The following NRG1 variants were observed in gnomAD, a reference collection of about 807,000 sequenced individuals.
NRG1 encodes neuregulin 1, also known as pro-neuregulin-1, membrane-bound isoform.
In NRG1, 18 loss-of-function variants were observed where a neutral mutation model predicts 63.8. The observed-to-expected ratio is 0.28, with a 90% CI of 0.19 to 0.42. The LOEUF is 0.42. NRG1 is among the 10% of genes least tolerant of loss of function. The pLI is 1.00. For missense variants in NRG1, 762 were observed against 814.7 expected, an observed-to-expected ratio of 0.94 and a Z score of 0.79; for synonymous variants, 302 against 301.3, an observed-to-expected ratio of 1.00 and a Z score of -0.02.
rs10692906 is a variant in NRG1 at position 31,989,253 on chromosome 8, C to CAAAAAAAAAAAAAAA, written c.37+349828_37+349842dup. Reference sequence around the variant, plus strand: ...CCTGGGTGAGAGAGAGACTCTGTCTCAAAAAAAAAAAAAAAAAAAAGAACA... The same window carrying CAAAAAAAAAAAAAAA: ...CCTGGGTGAGAGAGAGACTCTGTCTCAAAAAAAAAAAAAAAAAAAAAAAAAAAAAAAAAAAGAACA... On this transcript the variant is annotated intron_variant, in intron 1 of 10. Coordinates refer to the NRG1 transcript ENST00000519301. Among the ~76,000 whole-genome samples, 80 of 47,510 alleles carry CAAAAAAAAAAAAAAA rather than the reference C, an allele frequency of 1.7e-3. 4 individuals are homozygous for CAAAAAAAAAAAAAAA. Among genetic ancestry groups the CAAAAAAAAAAAAAAA allele is most frequent in the East Asian group, 0.015 (9 of 604 alleles). The allele number at this position is 47,510 out of a possible 152,430, so 31.2% of individuals were successfully genotyped here.
chr8:31,728,588 T>C, intron 1 of NRG1, among the ~76,000 whole-genome samples: 1 of 152,062 alleles, frequency 6.6e-6, no homozygotes. Flanking sequence ...AAAGGGTGCA[T>C]CAATGTATGA....
chr8:32,637,155 C>A (rs1177519588), intron 5 of NRG1, among the ~76,000 whole-genome samples: 1 of 152,050 alleles, frequency 6.6e-6, no homozygotes, highest in Non-Finnish European at 1.5e-5. Context: ...AGTAAACAAA[C>A]TTATGCCCAC....
intron 5 of NRG1, among the ~76,000 whole-genome samples, chr8:32,710,140 G>A (rs187279415): frequency 6.6e-6 from 1 of 152,094 alleles, no homozygotes; most frequent in Non-Finnish European, 1.5e-5. Flanking sequence ...TAATTAAGGA[G>A]TGCTACCATC....
Position 31,857,536 on chromosome 8 carries a change from C to A in NRG1, c.37+218105C>A, listed in dbSNP as rs181818209. ...CTGGCACTCCCTAGTGAGATGAACC[C>A]GGTACCTCAGATGGAAATGCAGAAA... On this transcript the variant is annotated intron_variant, in intron 1 of 10. Transcript: ENST00000519301. Among the ~76,000 whole-genome samples, 4 of 152,186 alleles carry A rather than the reference C, an allele frequency of 2.6e-5. No individual in the cohort carries two copies. In the East Asian group the frequency reaches 7.7e-4, roughly 29 times the overall value.
At chr8:31,808,590 T>G (rs1337798751) in intron 1 of NRG1, among the ~76,000 whole-genome samples, 2 of 152,074 alleles carry the variant, frequency 1.3e-5, no homozygotes, top group African/African-American at 4.8e-5. Flanking sequence ...TTTTTTAAAC[T>G]AATGAATTAC....
intron 1 of NRG1, among the ~76,000 whole-genome samples, chr8:32,505,058 C>T (rs1477442323): frequency 6.6e-6 from 1 of 152,000 alleles, no homozygotes; most frequent in African/African-American, 2.4e-5. Context: ...TCAAGTAGTC[C>T]CTTTAAAAGG....
intron 1 of NRG1, among the ~76,000 whole-genome samples, chr8:32,393,405 A>AT (rs1812027911): frequency 6.6e-6 from 1 of 152,230 alleles, no homozygotes; most frequent in African/African-American, 2.4e-5. Context: ...AAGGAATATA[A>AT]CTGTTCTACC....
chr8:31,785,814 G>A (rs1820116989), intron 1 of NRG1, among the ~76,000 whole-genome samples: 1 of 152,134 alleles, frequency 6.6e-6, no homozygotes, highest in Non-Finnish European at 1.5e-5. Flanking sequence ...TTTTGAGAAA[G>A]AAAGAGTATC....
At chr8:32,545,261 C>T (rs918104188), upstream of NRG1, among the ~76,000 whole-genome samples, 6 of 150,680 alleles carry the variant, frequency 4.0e-5, no homozygotes, top group Admixed American at 1.3e-4. Context: ...GTTTCTCTTA[C>T]GCTGTCATTT....
intron 1 of NRG1, among the ~76,000 whole-genome samples, chr8:32,530,117 C>G (rs560655414): frequency 6.1e-4 from 91 of 148,042 alleles, no homozygotes; most frequent in African/African-American, 2.2e-3. Context: ...TTTTTTTTTT[C>G]TTTTTTTTGA....
At chr8:32,138,905 C>T (rs1409570319) in intron 1 of NRG1, among the ~76,000 whole-genome samples, 1 of 152,064 alleles carries the variant, frequency 6.6e-6, no homozygotes, top group Non-Finnish European at 1.5e-5. Flanking sequence ...ATGATCAGAC[C>T]TAATTTTGGC....
At chr8:32,378,044 A>C (rs1809848148) in intron 1 of NRG1, among the ~76,000 whole-genome samples, 1 of 152,186 alleles carries the variant, frequency 6.6e-6, no homozygotes, top group African/African-American at 2.4e-5. Context: ...AATGCAGATG[A>C]AAGGCTCTGT....
At chr8:31,913,959 C>T (rs1220425795) in intron 1 of NRG1, among the ~76,000 whole-genome samples, 2 of 152,120 alleles carry the variant, frequency 1.3e-5, no homozygotes, top group African/African-American at 2.4e-5. Context: ...TTTCATTTAG[C>T]AAAGAGGCAA....
intron 1 of NRG1, among the ~76,000 whole-genome samples, chr8:32,550,110 G>A (rs990698006): frequency 2.6e-5 from 4 of 152,178 alleles, no homozygotes; most frequent in African/African-American, 9.6e-5. Context: ...CTTCAGCAGA[G>A]TTTTGAGCAA....
chr8:31,767,222 G>C (rs531151550), intron 1 of NRG1, among the ~76,000 whole-genome samples: 1 of 152,072 alleles, frequency 6.6e-6, no homozygotes, highest in South Asian at 2.1e-4. Flanking sequence ...TTTATAGAGA[G>C]CTCAGGAACA....
intron 1 of NRG1, among the ~76,000 whole-genome samples, chr8:32,410,944 C>T (rs567072833): frequency 1.1e-4 from 17 of 150,750 alleles, no homozygotes; most frequent in Non-Finnish European, 2.1e-4. Context: ...GGCGCAATCT[C>T]GGTTCACTGC....
chr8:32,333,947 C>T (rs1210632342), intron 1 of NRG1, among the ~76,000 whole-genome samples: 1 of 152,126 alleles, frequency 6.6e-6, no homozygotes, highest in Non-Finnish European at 1.5e-5. Flanking sequence ...TCTGTGATTC[C>T]ATTGGCAATT....
intron 1 of NRG1, among the ~76,000 whole-genome samples, chr8:31,794,263 A>G (rs1820986574): frequency 6.6e-6 from 1 of 152,118 alleles, no homozygotes; most frequent in South Asian, 2.1e-4. Flanking sequence ...TAATGAGATT[A>G]TGGACAGGGA....
chr8:31,850,104 G>A (rs1295460521), intron 1 of NRG1, among the ~76,000 whole-genome samples: 1 of 152,084 alleles, frequency 6.6e-6, no homozygotes, highest in Non-Finnish European at 1.5e-5. Context: ...AACCGAGGAG[G>A]ATTTAGCAAG....
Sources: allele counts gnomAD v4.1 joint callset (sites outside exome capture counted in the v4.1 genomes callset), GRCh38; gene constraint gnomAD v4.1.1; transcripts MANE v1.5; gene names NCBI Gene and HGNC (gene_info 2026-07-23, HGNC 2026-07-21).